Variants in MYBL2 observed in about 807,000 individuals in gnomAD.
MYBL2 encodes the protein myb-related protein B.
A neutral mutation model predicts 79.9 loss-of-function variants in MYBL2; 28 were observed. The observed-to-expected ratio is 0.35, with a 90% CI of 0.26 to 0.48. MYBL2 has a LOEUF of 0.48. Ranked by LOEUF, MYBL2 falls within the 20% of genes least tolerant of loss-of-function variation. The probability of loss-of-function intolerance (pLI) is 0.99; values close to 1 mark genes in which losing one functional copy is unlikely to be tolerated. For synonymous variants in MYBL2, 378 were observed against 361.2 expected, an observed-to-expected ratio of 1.05 and a Z score of -0.53; for missense variants, 735 against 893.9, an observed-to-expected ratio of 0.82 and a Z score of 2.27.
chr20:43,673,883 A>C lies in MYBL2; in HGVS notation c.98A>C (p.Lys33Thr). 2 of 1,552,702 alleles carry C rather than the reference A, an allele frequency of 1.3e-6. No individual in the cohort carries two copies. Among genetic ancestry groups the C allele is most frequent in the Non-Finnish European group, 1.7e-6 (2 of 1,147,476 alleles). ...CAGAGGGATAGCAAGTGCAAGGTCA[A>C]ATGGACCCATGAGGAGGTGAGTGCC... ...PEQRDSKCKV[K>T]WTHEEDEQLR... The change falls in exon 2 of 14, where the codon AAA becomes ACA. Residue 33 changes from lysine to threonine, a missense_variant. Physicochemically the swap from Lys to Thr is moderately conservative, Grantham distance 78 (BLOSUM62 -1). Transcript: ENST00000217026.
chr20:43,678,874 AG>A (rs61064495), intron 2 of MYBL2, among the ~76,000 whole-genome samples: 65,685 of 89,432 alleles, frequency 0.73, 24,252 homozygotes, highest in South Asian at 0.76. Flanking sequence ...AAAAAAAAAA[AG>A]AAAAAAACAT....
At chr20:43,678,003 A>AC (rs1987051458) in intron 2 of MYBL2, among the ~76,000 whole-genome samples, 1 of 152,162 alleles carries the variant, frequency 6.6e-6, no homozygotes. Flanking sequence ...CTATGATCTT[A>AC]CCCCCAACCC....
intron 7 of MYBL2, among the ~76,000 whole-genome samples, 195 bp downstream of exon 7, chr20:43,700,239 C>T (rs1987650088): frequency 6.6e-6 from 1 of 152,150 alleles, no homozygotes; most frequent in East Asian, 1.9e-4. Flanking sequence ...TGGGGAGCTC[C>T]CGGTGTGTGC....
Position 43,700,455 on chromosome 20 carries a change from A to G in MYBL2, c.951+411A>G, listed in dbSNP as rs572704328. 7.2e-5 allele frequency among the ~76,000 whole-genome samples: 11 copies of G among 152,008 alleles called. No individual in the cohort carries two copies. The South Asian group carries it at 2.1e-3, about 29-fold the overall frequency. Reference sequence around the variant, plus strand: ...TGCCAAGTCTTGGTGCTGGTCTTGGAGTGGTGAGTGGGTTCTGGTTACTCA... The same window carrying G: ...TGCCAAGTCTTGGTGCTGGTCTTGGGGTGGTGAGTGGGTTCTGGTTACTCA... On this transcript the variant is annotated intron_variant, in intron 7 of 13. Transcript: ENST00000217026.
chr20:43,698,258 C>T lies in MYBL2; in HGVS notation c.664-1499C>T, dbSNP rs148292302. On this transcript the variant is annotated intron_variant, in intron 6 of 13. Coordinates refer to ENST00000217026, the MANE Select transcript of MYBL2 (RefSeq NM_002466.4). ...TTGTTTTATAGAGATGGGGTTTGCC[C>T]AGGCTGGTCTCGAACTCCTGGGCTC... is the stretch of plus-strand genomic sequence containing the variant. Among the ~76,000 whole-genome samples, 1,167 of 151,240 alleles carry T rather than the reference C, an allele frequency of 7.7e-3. 7 individuals carry two copies. Among genetic ancestry groups the T allele is most frequent in the African/African-American group, 0.027 (1,096 of 41,256 alleles).
chr20:43,713,398 T>C lies in MYBL2; in HGVS notation c.1824+292T>C, dbSNP rs568411917. The stretch of plus-strand genomic sequence containing the variant: ...TGATGTGTCTTTTTTTTTCTTTTTT[T>C]TTTTTTGAATTGGAATTTCGCTCTT... On this transcript the variant is annotated intron_variant, in intron 12 of 13. Coordinates refer to ENST00000217026, the MANE Select transcript of MYBL2 (RefSeq NM_002466.4). 3.3e-5 allele frequency among the ~76,000 whole-genome samples: 5 copies of C among 151,818 alleles called. No individual in the cohort carries two copies. The South Asian group carries it at 1.0e-3, about 32-fold the overall frequency.
chr20:43,709,773 C>G (rs577795909), intron 9 of MYBL2, among the ~76,000 whole-genome samples, 190 bp from the exon 10 acceptor site: 23 of 152,362 alleles, frequency 1.5e-4, no homozygotes, highest in African/African-American at 5.3e-4. Flanking sequence ...CTCCTGGCCC[C>G]TCTTAGACTC....
At chr20:43,704,612 G>C (rs1205674900) in intron 8 of MYBL2, among the ~76,000 whole-genome samples, 6 of 152,138 alleles carry the variant, frequency 3.9e-5, no homozygotes, top group Admixed American at 2.0e-4. Context: ...GGAAGAGAGC[G>C]GGGTGCTTCA....
At chr20:43,693,127 G>A in intron 6 of MYBL2, among the ~76,000 whole-genome samples, 1 of 152,036 alleles carries the variant, frequency 6.6e-6, no homozygotes, top group East Asian at 1.9e-4. Flanking sequence ...CTGCCTCCTG[G>A]GATCAAGCGA....
intron 6 of MYBL2, among the ~76,000 whole-genome samples, chr20:43,698,988 C>T (rs755612963): frequency 7.2e-5 from 11 of 151,962 alleles, no homozygotes; most frequent in Non-Finnish European, 1.6e-4. Flanking sequence ...CAGGCATAAG[C>T]CACTGTACCT....
At chr20:43,680,150 C>G (rs1987110355) in intron 2 of MYBL2, among the ~76,000 whole-genome samples, 1 of 152,150 alleles carries the variant, frequency 6.6e-6, no homozygotes, top group Admixed American at 6.6e-5. Context: ...TCTGCTGCAG[C>G]CTCCCGAGTA....
chr20:43,667,883 G>C (rs1465297041), intron 1 of MYBL2, among the ~76,000 whole-genome samples: 3 of 152,194 alleles, frequency 2.0e-5, no homozygotes, highest in Admixed American at 6.5e-5. Flanking sequence ...CCGCGCCCCA[G>C]CTTGGTTCGG....
In MYBL2 at chr20:43,714,474, G is replaced by A. The variant is rs544531010; in HGVS notation, c.1825-660G>A. On this transcript the variant is annotated intron_variant, in intron 12 of 13. Coordinates refer to ENST00000217026, the MANE Select transcript of MYBL2 (RefSeq NM_002466.4). Reference sequence around the variant, plus strand: ...TGTTATTATGGCCTGGGGGCTGCACGGCACCCATCCCAGGGCTGATGTGCC... The same window carrying A: ...TGTTATTATGGCCTGGGGGCTGCACAGCACCCATCCCAGGGCTGATGTGCC... Among the ~76,000 whole-genome samples, 20 of 152,182 alleles carry A rather than the reference G, an allele frequency of 1.3e-4. No homozygotes were observed. In the East Asian group the frequency reaches 3.5e-3, roughly 26 times the overall value.
chr20:43,685,186 T>G (rs989622106), intron 4 of MYBL2, among the ~76,000 whole-genome samples: 1 of 151,514 alleles, frequency 6.6e-6, no homozygotes, highest in Non-Finnish European at 1.5e-5. Flanking sequence ...ATTTATTTAT[T>G]TATTTATTTT....
chr20:43,716,401 G>A lies in MYBL2; in HGVS notation c.*314G>A, dbSNP rs905569993. 2.0e-5 allele frequency: 8 copies of A among 395,078 alleles called. No homozygotes were observed. The highest frequency in any genetic ancestry group is 3.2e-5 in the Non-Finnish European group (7 of 220,728). The allele number at this position is 395,078 out of a possible 1,614,324, so 24.5% of individuals were successfully genotyped here. A position where few individuals can be genotyped will look rare whatever the true frequency, so the allele number is the denominator to read the frequency against. On this transcript the variant is annotated 3_prime_UTR_variant, in exon 14 of 14. Coordinates refer to ENST00000217026, the MANE Select transcript of MYBL2 (RefSeq NM_002466.4). ...TGGCCTCATCTCAGACCCTGCTTAG[G>A]ATGGGGGATGTGGCCAGGGGTGCTC...
chr20:43,703,278 C>T (rs1011861327), intron 8 of MYBL2, among the ~76,000 whole-genome samples: 35 of 152,340 alleles, frequency 2.3e-4, no homozygotes, highest in African/African-American at 8.4e-4. Context: ...TTGTCTCCAG[C>T]ACTGGCTGGC....
chr20:43,682,004 T>C, intron 3 of MYBL2, 149 bp downstream of exon 3: 1 of 748,980 alleles, frequency 1.3e-6, no homozygotes, highest in Non-Finnish European at 2.2e-6. Flanking sequence ...AATGGACCTT[T>C]GTAGGATCTC....
At chr20:43,695,431 G>T (rs1987513747) in intron 6 of MYBL2, among the ~76,000 whole-genome samples, 1 of 152,148 alleles carries the variant, frequency 6.6e-6, no homozygotes, top group Non-Finnish European at 1.5e-5. Context: ...GTAGATAAGG[G>T]TATTACTGGT....
chr20:43,676,950 A>G (rs921780668), intron 2 of MYBL2, among the ~76,000 whole-genome samples: 4 of 151,368 alleles, frequency 2.6e-5, no homozygotes, highest in South Asian at 2.1e-4. Flanking sequence ...GGGTCTTGCT[A>G]TGTTGCCCAG....
Sources: gnomAD v4.1 joint callset for allele counts (sites outside exome capture counted in the v4.1 genomes callset) on GRCh38, gnomAD v4.1.1 for gene constraint, MANE v1.5 for transcripts, NCBI Gene and HGNC (gene_info 2026-07-23, HGNC 2026-07-21) for gene names.